Variants in DNAI3 observed in about 807,000 individuals in gnomAD.
DNAI3 encodes the protein WD repeat domain 63.
Under a neutral mutation model 115.5 loss-of-function variants are expected in DNAI3, and 83 were observed. The ratio of observed to expected loss-of-function variants is 0.72; its 90% CI spans 0.60 to 0.86. DNAI3 has a LOEUF of 0.86. Ranked by LOEUF, DNAI3 falls within the 40% of genes least tolerant of loss-of-function variation. The pLI, the probability that DNAI3 is intolerant of heterozygous loss-of-function variation, is 0.00. For missense variants in DNAI3, 1,004 were observed against 1,075.8 expected, an observed-to-expected ratio of 0.93 and a Z score of 0.93; for synonymous variants, 320 against 347.0, an observed-to-expected ratio of 0.92 and a Z score of 0.86.
rs750498489 is a variant in DNAI3, at chr1:85,081,195, G to A, written c.104-39G>A. 1.1e-5 allele frequency: 16 copies of A among 1,490,566 alleles called. No individual in the cohort carries two copies. The South Asian group carries it at 2.0e-4, about 18-fold the overall frequency. The allele number at this position is 1,490,566 out of a possible 1,614,324, so 92.3% of individuals were successfully genotyped here. ...TTTTCTAATGCTAATATTTTAAGTG[G>A]TCATATTTAATGTCCAAATTCCACT... On this transcript the variant is annotated intron_variant, in intron 3 of 22. Coordinates refer to ENST00000294664, the MANE Select transcript of DNAI3 (RefSeq NM_145172.5).
At chr1:85,084,478 A>ATT in intron 5 of DNAI3, 68 bp from the exon 6 acceptor site, 2 of 1,116,356 alleles carry the variant, frequency 1.8e-6, no homozygotes, top group Non-Finnish European at 2.3e-6. Flanking sequence ...TGCAAAATAT[A>ATT]TATATATATA....
chr1:85,065,431 C>T (rs1157550740), intron 1 of DNAI3, among the ~76,000 whole-genome samples: 1 of 152,130 alleles, frequency 6.6e-6, no homozygotes, highest in South Asian at 2.1e-4. Context: ...AGGACACAAA[C>T]GTTTTTAAAG....
In DNAI3 at chr1:85,103,191, G is replaced by C. The variant is rs139154305; in HGVS notation, c.1480-1333G>C. Among the ~76,000 whole-genome samples, 19 of 152,276 alleles carry C rather than the reference G, an allele frequency of 1.2e-4. No homozygotes were observed. The East Asian group carries it at 3.7e-3, about 29-fold the overall frequency. Reference sequence around the variant, plus strand: ...ATTTTGCTCATCAGTTCTTTCAGGAGGTTAGAGAATTGAGGAAAGTCATGC... The same window carrying C: ...ATTTTGCTCATCAGTTCTTTCAGGACGTTAGAGAATTGAGGAAAGTCATGC... On this transcript the variant is annotated intron_variant, in intron 13 of 22. Coordinates refer to ENST00000294664, the MANE Select transcript of DNAI3 (RefSeq NM_145172.5).
intron 18 of DNAI3, 125 bp from the exon 19 acceptor site, chr1:85,123,996 C>A (rs969069892): frequency 1.7e-6 from 2 of 1,209,886 alleles, no homozygotes; most frequent in Non-Finnish European, 2.3e-6. Flanking sequence ...CAGCTAGCCT[C>A]TGGTTCTCCA....
intron 22 of DNAI3, among the ~76,000 whole-genome samples, chr1:85,130,696 G>A (rs902677024): frequency 1.0e-5 from 1 of 99,118 alleles, no homozygotes; most frequent in Non-Finnish European, 2.1e-5. Context: ...TAGATAGATA[G>A]ATAGATAGAT....
intron 13 of DNAI3, among the ~76,000 whole-genome samples, chr1:85,103,086 A>G (rs1043900681): frequency 2.5e-4 from 38 of 152,072 alleles, no homozygotes; most frequent in African/African-American, 8.7e-4. Flanking sequence ...TGCAGACATG[A>G]CCCAGGTGCC....
At chr1:85,121,712 G>A (rs769263253) in intron 17 of DNAI3, 39 bp from the exon 18 acceptor site, 2 of 1,581,816 alleles carry the variant, frequency 1.3e-6, no homozygotes, top group South Asian at 2.3e-5. Context: ...TGTCTCTTAA[G>A]TTGTCATTGT....
chr1:85,076,458 G>A (rs1161834041), intron 3 of DNAI3, among the ~76,000 whole-genome samples: 4 of 152,162 alleles, frequency 2.6e-5, no homozygotes, highest in Admixed American at 6.5e-5. Flanking sequence ...GCATTAGTCT[G>A]TTCACATGCT....
intron 1 of DNAI3, among the ~76,000 whole-genome samples, chr1:85,066,836 A>C (rs781513153): frequency 2.0e-5 from 3 of 152,222 alleles, no homozygotes; most frequent in Non-Finnish European, 2.9e-5. Flanking sequence ...AACTTCAGTA[A>C]GCCCTGCTAT....
intron 1 of DNAI3, among the ~76,000 whole-genome samples, chr1:85,069,272 A>G (rs1654191110): frequency 6.6e-6 from 1 of 152,140 alleles, no homozygotes; most frequent in Non-Finnish European, 1.5e-5. Flanking sequence ...TCTCCCAGAT[A>G]TCTGTGTTTC....
At chr1:85,088,113 G>A (rs1654851355) in intron 7 of DNAI3, among the ~76,000 whole-genome samples, 1 of 146,706 alleles carries the variant, frequency 6.8e-6, no homozygotes, top group Non-Finnish European at 1.5e-5. Context: ...GGAGAGAGGT[G>A]ATATATTAGT....
chr1:85,075,645 A>G (rs1287050562), intron 3 of DNAI3, among the ~76,000 whole-genome samples: 2 of 152,190 alleles, frequency 1.3e-5, no homozygotes. Context: ...GAGCCAAGGT[A>G]TCAATAGGCT....
intron 22 of DNAI3, among the ~76,000 whole-genome samples, chr1:85,131,104 A>G (rs955701339): frequency 6.6e-6 from 1 of 152,160 alleles, no homozygotes; most frequent in Non-Finnish European, 1.5e-5. Context: ...AGCCAAATAC[A>G]TACATCCTCA....
chr1:85,098,497 A>G (rs1462446809), intron 12 of DNAI3, 33 bp from the exon 13 acceptor site: 7 of 1,603,672 alleles, frequency 4.4e-6, no homozygotes, highest in African/African-American at 1.3e-5. Flanking sequence ...GCCCTCTGAA[A>G]TTAGCACTTA....
At chr1:85,100,053 T>A (rs1226446669) in intron 13 of DNAI3, among the ~76,000 whole-genome samples, 8 of 152,304 alleles carry the variant, frequency 5.3e-5, no homozygotes, top group Non-Finnish European at 1.0e-4. Flanking sequence ...ACTCAGGACA[T>A]AGGCATGGGC....
Position 85,084,529 on chromosome 1 carries a change from T to A in DNAI3, c.391-17T>A. The A allele has an allele frequency of 7.2e-7, 1 of 1,382,446 alleles. No homozygotes were observed. Among genetic ancestry groups the A allele is most frequent in the Non-Finnish European group, 9.4e-7 (1 of 1,061,910 alleles). 85.6% of individuals were successfully genotyped at this position (1,382,446 alleles called of 1,614,324 possible). ...AACTTGGGCATACATTGTAGAATGC[T>A]ATTTATTTTACTTTAGCCCCCAGAA... On this transcript the variant is annotated splice_polypyrimidine_tract_variant and intron_variant, in intron 5 of 22. Transcript: ENST00000294664.
At chr1:85,078,359 T>C (rs1453205231) in intron 3 of DNAI3, among the ~76,000 whole-genome samples, 1 of 152,210 alleles carries the variant, frequency 6.6e-6, no homozygotes, top group Non-Finnish European at 1.5e-5. Flanking sequence ...ATAATACACA[T>C]AAAGTGCTTA....
intron 4 of DNAI3, 33 bp from the exon 5 acceptor site, chr1:85,082,267 C>A: frequency 1.3e-6 from 2 of 1,538,312 alleles, no homozygotes; most frequent in Non-Finnish European, 9.0e-7. Context: ...GACCATTGAA[C>A]ATTAACTTCC....
rs2100619019 is a variant in DNAI3, at chr1:85,128,807, A to C, written c.2409+8A>C. 6.2e-7 allele frequency: 1 copy of C among 1,606,318 alleles called. No individual in the cohort carries two copies. The highest frequency in any genetic ancestry group is 1.3e-5 in the African/African-American group (1 of 74,708). ...CGCCCTTCCACCAATGAGGTTAGTA[A>C]CTAACTTATGACTTTGAGAATTAAT... is the stretch of plus-strand genomic sequence containing the variant. On this transcript the variant is annotated splice_region_variant and intron_variant, in intron 21 of 22. Transcript: ENST00000294664.
Sources: gnomAD v4.1 joint callset for allele counts (sites outside exome capture counted in the v4.1 genomes callset) on GRCh38, gnomAD v4.1.1 for gene constraint, MANE v1.5 for transcripts, NCBI Gene and HGNC (gene_info 2026-07-23, HGNC 2026-07-21) for gene names.